The following CEP63 variants were observed in gnomAD, a reference collection of about 807,000 sequenced individuals.
The protein encoded by CEP63 is centrosomal protein 63, also known as centrosomal protein of 63 kDa.
In CEP63, 84 loss-of-function variants were observed where a neutral mutation model predicts 89.1. The ratio of observed to expected loss-of-function variants is 0.94; its 90% CI spans 0.79 to 1.13. CEP63 has a LOEUF of 1.13. Ranked by LOEUF, CEP63 falls within the 50% of genes most tolerant of loss-of-function variation. CEP63 has a pLI of 0.00. For synonymous variants in CEP63, 267 were observed against 272.5 expected (o/e 0.98, Z 0.20); for missense variants, 838 against 813.3 (o/e 1.03, Z -0.37).
chr3:134,610,514 G>C, the CEP63 span: 1 of 760,830 alleles, frequency 1.3e-6, no homozygotes, highest in Non-Finnish European at 2.1e-6. Context: ...CTTGCTTCTT[G>C]TACTCACATA....
the CEP63 span, among the ~76,000 whole-genome samples, chr3:134,742,251 T>A: frequency 2.6e-5 from 4 of 152,134 alleles, no homozygotes. Flanking sequence ...TCTTCTTCCA[T>A]CTGCAAGTTT....
chr3:134,771,102 C>G, the CEP63 span, among the ~76,000 whole-genome samples: 1 of 152,188 alleles, frequency 6.6e-6, no homozygotes, highest in Admixed American at 6.5e-5. Context: ...GTGCTGAGAT[C>G]TTCCCTCACT....
the CEP63 span, among the ~76,000 whole-genome samples, chr3:134,769,577 C>T: frequency 6.6e-6 from 1 of 152,304 alleles, no homozygotes; most frequent in Admixed American, 6.5e-5. Context: ...GGCCAGGTGC[C>T]TTGTACATAA....
intron 6 of CEP63, among the ~76,000 whole-genome samples, chr3:134,544,347 C>T (rs539528655): frequency 6.6e-6 from 1 of 152,108 alleles, no homozygotes; most frequent in Non-Finnish European, 1.5e-5. Flanking sequence ...GAGCTAAAAC[C>T]CAATACTGCT....
chr3:134,708,139 C>A, the CEP63 span, among the ~76,000 whole-genome samples: 2 of 152,300 alleles, frequency 1.3e-5, no homozygotes, highest in African/African-American at 4.8e-5. Flanking sequence ...AATCCTTGCA[C>A]CCTTGCTTGC....
At chr3:134,608,953 G>A in the CEP63 span, 7 of 1,233,354 alleles carry the variant, frequency 5.7e-6, no homozygotes, top group South Asian at 6.2e-5. Flanking sequence ...CACCATCTCC[G>A]ACCCTAACAT....
At chr3:134,556,484 G>T (rs532315514) in intron 12 of CEP63, among the ~76,000 whole-genome samples, 24 of 151,962 alleles carry the variant, frequency 1.6e-4, no homozygotes, top group African/African-American at 5.8e-4. Flanking sequence ...AAGGGAGGGA[G>T]GGAACTTGAT....
the CEP63 span, chr3:134,603,792 G>A: frequency 4.3e-6 from 7 of 1,613,286 alleles, no homozygotes; most frequent in South Asian, 4.4e-5. Flanking sequence ...CATTCCGGTT[G>A]GCAGGAAGCA....
chr3:134,679,036 G>T, the CEP63 span, among the ~76,000 whole-genome samples: 1 of 150,582 alleles, frequency 6.6e-6, no homozygotes, highest in Non-Finnish European at 1.5e-5. Context: ...TGTATACTGG[G>T]TGTTAAGAGA....
At chr3:134,679,952 G>A in the CEP63 span, among the ~76,000 whole-genome samples, 3 of 152,128 alleles carry the variant, frequency 2.0e-5, no homozygotes, top group Non-Finnish European at 2.9e-5. Context: ...TGGAACTCCT[G>A]GGCTCATGCC....
intron 3 of CEP63, among the ~76,000 whole-genome samples, chr3:134,518,920 AAGG>A (rs1170987751): frequency 1.3e-5 from 2 of 152,098 alleles, no homozygotes; most frequent in African/African-American, 4.8e-5. Context: ...ATTAAGAAAA[AAGG>A]GGGGAAAATA....
At chr3:134,597,224 G>A in the CEP63 span, among the ~76,000 whole-genome samples, 1 of 152,154 alleles carries the variant, frequency 6.6e-6, no homozygotes, top group Non-Finnish European at 1.5e-5. Flanking sequence ...TGGATGGCAG[G>A]GGCAAGAGGG....
At chr3:134,729,072 GGT>G in the CEP63 span, among the ~76,000 whole-genome samples, 1 of 151,720 alleles carries the variant, frequency 6.6e-6, no homozygotes, top group East Asian at 1.9e-4. Flanking sequence ...AACATTTTGT[GGT>G]AGGGTTTATT....
At position 134,514,930 on chromosome 3, in the gene CEP63, G is replaced by A. The variant is rs1945882830; in HGVS notation, c.222+7644G>A. On this transcript the variant is annotated intron_variant, in intron 3 of 14. Transcript: ENST00000675561. ...GATGGAGTTTTGCTATGTTGCCCAG[G>A]CTGGACTCGAACTCCTGGGCTTAAG... is the stretch of plus-strand genomic sequence containing the variant. Among the ~76,000 whole-genome samples, 3 of 152,104 alleles carry A rather than the reference G, an allele frequency of 2.0e-5. No homozygotes were observed. The South Asian group carries it at 6.2e-4, about 32-fold the overall frequency.
In CEP63 at chr3:134,551,935, G is replaced by T; in HGVS notation, c.1390G>T (p.Asp464Tyr). ...GTTTTCCCCTTTTCAGGAGATTTTG[G>T]ATCAGCTGGAGTCACTCAAATTAGA... ...DKAVEHKEIL[D>Y]QLESLKLENR... Residue 464 changes from aspartate (D) to tyrosine (Y), a missense_variant, in exon 12 of 15, where the codon GAT (aspartate) becomes TAT (tyrosine). Transcript: ENST00000675561. The T allele has an allele frequency of 6.2e-7, 1 of 1,603,390 alleles. No individual in the cohort carries two copies. Among genetic ancestry groups the T allele is most frequent in the Non-Finnish European group, 8.5e-7 (1 of 1,173,286 alleles).
the CEP63 span, among the ~76,000 whole-genome samples, chr3:134,734,542 G>A: frequency 6.6e-6 from 1 of 152,108 alleles, no homozygotes; most frequent in Admixed American, 6.6e-5. Context: ...AACAATTACA[G>A]ACTCTGCAGA....
Position 134,564,867 on chromosome 3 carries a change from A to G in CEP63, c.*3332A>G, listed in dbSNP as rs1957677412. On this transcript the variant is annotated 3_prime_UTR_variant, in exon 15 of 15. Transcript: ENST00000675561. ...AGTCACCGGAAATACTTAAGGAATC[A>G]TGAGGTACTATGTATTTCCTTAAAT... 1.0e-6 allele frequency: 1 copy of G among 985,342 alleles called. No homozygotes were observed. The highest frequency in any genetic ancestry group is 1.7e-5 in the African/African-American group (1 of 57,378). 61.0% of individuals were successfully genotyped at this position (985,342 alleles called of 1,614,324 possible).
chr3:134,514,090 T>G (rs1945641142), intron 3 of CEP63, among the ~76,000 whole-genome samples: 1 of 152,090 alleles, frequency 6.6e-6, no homozygotes, highest in South Asian at 2.1e-4. Flanking sequence ...TGCACACAGT[T>G]TACAATAACA....
chr3:134,495,097 G>A (rs1237323901), intron 1 of CEP63, among the ~76,000 whole-genome samples, 199 bp from the exon 2 acceptor site: 1 of 152,192 alleles, frequency 6.6e-6, no homozygotes, highest in Non-Finnish European at 1.5e-5. Flanking sequence ...ATATTTTTAA[G>A]TTATTCTGTT....
Sources: gnomAD v4.1 joint callset for allele counts (sites outside exome capture counted in the v4.1 genomes callset) on GRCh38, gnomAD v4.1.1 for gene constraint, MANE v1.5 for transcripts, NCBI Gene and HGNC (gene_info 2026-07-23, HGNC 2026-07-21) for gene names.